Variants in EML5 observed in about 807,000 individuals in gnomAD.
EML5 encodes EMAP like 5, also known as echinoderm microtubule-associated protein-like 5.
A neutral mutation model predicts 250.0 loss-of-function variants in EML5; 120 were observed. The observed-to-expected ratio is 0.48, with a 90% CI of 0.41 to 0.56. The LOEUF is 0.56. Ranked by LOEUF, EML5 falls within the 20% of genes least tolerant of loss-of-function variation. The pLI is 0.00. For synonymous variants in EML5, 771 were observed against 806.5 expected, an observed-to-expected ratio of 0.96 and a Z score of 0.75; for missense variants, 2,006 against 2,437.6, an observed-to-expected ratio of 0.82 and a Z score of 3.73.
chr14:88,744,067 A>G lies in EML5; in HGVS notation c.481T>C (p.Tyr161His), dbSNP rs1219356505. ...DRIFDISWDL[Y>H]QPNKLVSCGV... The stretch of plus-strand genomic sequence containing the variant: ...CAGCTGACAAGTTTATTTGGCTGGT[A>G]CAAATCCCAAGAAATATCAAATATC... Residue 161 changes from tyrosine (Y) to histidine (H), a missense_variant, in exon 4 of 44, where the codon TAC becomes CAC. By Grantham distance (83) the Tyr-to-His change is moderately conservative. Transcript: ENST00000554922. 1.9e-6 allele frequency: 3 copies of G among 1,573,246 alleles called. No homozygotes were observed. The Admixed American group carries it at 5.4e-5, about 28-fold the overall frequency.
At chr14:88,740,239 C>A in intron 5 of EML5, 148 bp downstream of exon 5, 1 of 545,902 alleles carries the variant, frequency 1.8e-6, no homozygotes, top group Non-Finnish European at 3.0e-6. Flanking sequence ...TCATTGAAAT[C>A]TTGAAAACAA....
intron 1 of EML5, among the ~76,000 whole-genome samples, chr14:88,790,770 T>C (rs1425069548): frequency 3.9e-5 from 6 of 152,118 alleles, no homozygotes. Context: ...CTTGAAAGGA[T>C]TAGGGAAAAA....
At chr14:88,656,983 G>A (rs2091896140) in intron 27 of EML5, among the ~76,000 whole-genome samples, 1 of 151,984 alleles carries the variant, frequency 6.6e-6, no homozygotes, top group Admixed American at 6.6e-5. Flanking sequence ...CCATCAATAG[G>A]GTTTTGTTTT....
At chr14:88,655,684 T>C (rs568723677) in intron 27 of EML5, among the ~76,000 whole-genome samples, 63 of 152,072 alleles carry the variant, frequency 4.1e-4, no homozygotes, top group African/African-American at 1.4e-3. Context: ...TCAGAGTGAA[T>C]AGGCAACCTA....
chr14:88,678,960 A>C (rs1208963731), intron 21 of EML5, among the ~76,000 whole-genome samples: 7 of 152,012 alleles, frequency 4.6e-5, no homozygotes, highest in Admixed American at 1.3e-4. Context: ...CCGTTGTGAA[A>C]GTTCTTGGGA....
chr14:88,613,071 A>AGCCAGCAGTCT lies in EML5; in HGVS notation c.*2736_*2746dup, dbSNP rs1172969203. ...CAAAGGCTCACGTTTAAGATTGTCA[A>AGCCAGCAGTCT]GCCAGCAGTCTACTGTTGTGTTGCC... On this transcript the variant is annotated 3_prime_UTR_variant, in exon 44 of 44. Transcript: ENST00000554922. 6.6e-6 allele frequency: 1 copy of AGCCAGCAGTCT among 152,514 alleles called. No homozygotes were observed. The highest frequency in any genetic ancestry group is 1.5e-5 in the Non-Finnish European group (1 of 68,038). 9.4% of individuals were successfully genotyped at this position (152,514 alleles called of 1,614,324 possible).
intron 7 of EML5, among the ~76,000 whole-genome samples, chr14:88,736,017 T>C (rs75613865): frequency 6.6e-6 from 1 of 151,044 alleles, no homozygotes; most frequent in Admixed American, 6.6e-5. Flanking sequence ...TTTTTTTTTT[T>C]TTGAGATGGA....
At chr14:88,618,053 G>A in intron 41 of EML5, 175 bp downstream of exon 41, 6 of 421,458 alleles carry the variant, frequency 1.4e-5, no homozygotes, top group East Asian at 7.0e-5. Context: ...ATAAAACATG[G>A]AAATATATTC....
At chr14:88,744,872 A>G (rs928011416) in intron 3 of EML5, among the ~76,000 whole-genome samples, 1 of 152,100 alleles carries the variant, frequency 6.6e-6, no homozygotes, top group Admixed American at 6.6e-5. Flanking sequence ...GTATACTCCA[A>G]AAATTTACAA....
intron 1 of EML5, among the ~76,000 whole-genome samples, chr14:88,789,113 A>T (rs1444376999): frequency 6.6e-6 from 1 of 152,116 alleles, no homozygotes; most frequent in African/African-American, 2.4e-5. Context: ...AACTGGCAAA[A>T]GTTTCAAAAT....
At chr14:88,786,994 G>T (rs2094557731) in intron 1 of EML5, among the ~76,000 whole-genome samples, 1 of 152,192 alleles carries the variant, frequency 6.6e-6, no homozygotes, top group African/African-American at 2.4e-5. Flanking sequence ...AACAAGAACT[G>T]CTATGGTGAA....
intron 13 of EML5, among the ~76,000 whole-genome samples, chr14:88,703,345 A>G (rs2093254222): frequency 1.3e-5 from 2 of 152,186 alleles, no homozygotes; most frequent in South Asian, 4.1e-4. Flanking sequence ...CTGGGAGGGC[A>G]GAGGTGGGAG....
chr14:88,765,409 G>A (rs757062890), intron 1 of EML5, among the ~76,000 whole-genome samples: 14 of 152,064 alleles, frequency 9.2e-5, no homozygotes, highest in Non-Finnish European at 1.6e-4. Flanking sequence ...CCTCCTCAAG[G>A]CCAACTGCAT....
At chr14:88,685,231 G>A in intron 19 of EML5, 89 bp from the exon 20 acceptor site, 2 of 1,109,666 alleles carry the variant, frequency 1.8e-6, no homozygotes, top group Non-Finnish European at 2.5e-6. Flanking sequence ...TTTTGACAGT[G>A]AAAATCACAT....
intron 13 of EML5, 59 bp from the exon 14 acceptor site, chr14:88,702,691 A>C: frequency 8.2e-7 from 1 of 1,215,502 alleles, no homozygotes; most frequent in Non-Finnish European, 1.1e-6. Context: ...ATCAATACAG[A>C]ATATACAGGG....
In EML5 at chr14:88,613,404, G is replaced by A. The variant is rs1170793208; in HGVS notation, c.*2414C>T. On this transcript the variant is annotated 3_prime_UTR_variant, in exon 44 of 44. Transcript: ENST00000554922. The stretch of plus-strand genomic sequence containing the variant: ...AATACTTTTAGCTATCATTTATAAA[G>A]ATAGTTTTGTTCTCAGTTTCACTAT... 6.6e-6 allele frequency: 1 copy of A among 151,754 alleles called. No homozygotes were observed. The highest frequency in any genetic ancestry group is 1.5e-5 in the Non-Finnish European group (1 of 68,014). 9.4% of individuals were successfully genotyped at this position (151,754 alleles called of 1,614,324 possible). A position where few individuals can be genotyped will look rare whatever the true frequency, so the allele number is the denominator to read the frequency against.
intron 7 of EML5, among the ~76,000 whole-genome samples, chr14:88,732,910 T>C (rs911573044): frequency 5.3e-5 from 8 of 152,154 alleles, no homozygotes; most frequent in Admixed American, 2.0e-4. Flanking sequence ...TCCCAGGTTC[T>C]AGCGATATTA....
intron 10 of EML5, among the ~76,000 whole-genome samples, chr14:88,708,235 G>A (rs2093349962): frequency 6.6e-6 from 1 of 151,930 alleles, no homozygotes; most frequent in African/African-American, 2.4e-5. Flanking sequence ...TGATAAATGG[G>A]TATCTTAAAA....
At chr14:88,719,999 A>G (rs2093565452) in intron 8 of EML5, among the ~76,000 whole-genome samples, 1 of 152,182 alleles carries the variant, frequency 6.6e-6, no homozygotes, top group Admixed American at 6.5e-5. Flanking sequence ...ATCAGAGAAT[A>G]CCATAAACAC....
Sources: allele counts gnomAD v4.1 joint callset (sites outside exome capture counted in the v4.1 genomes callset), GRCh38; gene constraint gnomAD v4.1.1; transcripts MANE v1.5; gene names NCBI Gene and HGNC (gene_info 2026-07-23, HGNC 2026-07-21).